ROBO2: variants seen among roughly 807,000 people sequenced by gnomAD.
The protein encoded by ROBO2 is roundabout guidance receptor 2, also known as roundabout homolog 2.
ROBO2 carries 53 observed loss-of-function variants against 160.8 expected under a neutral mutation model. The ratio of observed to expected loss-of-function variants is 0.33; its 90% CI spans 0.26 to 0.41. ROBO2 has a LOEUF of 0.41. Ranked by LOEUF, ROBO2 falls within the 10% of genes least tolerant of loss-of-function variation. ROBO2 has a pLI of 1.00. For synonymous variants in ROBO2, 664 were observed against 611.7 expected, an observed-to-expected ratio of 1.09 and a Z score of -1.26; for missense variants, 1,577 against 1,722.4, an observed-to-expected ratio of 0.92 and a Z score of 1.49.
At chr3:76,103,348 T>C (rs1576871282) in intron 2 of ROBO2, among the ~76,000 whole-genome samples, 2 of 152,294 alleles carry the variant, frequency 1.3e-5, no homozygotes, top group South Asian at 4.1e-4. Flanking sequence ...TTTCTTCTCC[T>C]TTGCCTGGAC....
chr3:75,916,416 A>G (rs187746400), intron 1 of ROBO2, among the ~76,000 whole-genome samples: 185 of 152,322 alleles, frequency 1.2e-3, no homozygotes, highest in Middle Eastern at 0.01. Flanking sequence ...TCAATGTATT[A>G]TACCAACATG....
At chr3:77,216,270 C>T (rs2084931005) in intron 2 of ROBO2, among the ~76,000 whole-genome samples, 1 of 152,170 alleles carries the variant, frequency 6.6e-6, no homozygotes, top group African/African-American at 2.4e-5. Flanking sequence ...CAAGCCTCGG[C>T]AATGGCGGGC....
chr3:76,553,208 A>C (rs2083516858), intron 2 of ROBO2, among the ~76,000 whole-genome samples: 1 of 152,170 alleles, frequency 6.6e-6, no homozygotes, highest in South Asian at 2.1e-4. Flanking sequence ...TTGTAATTAG[A>C]GTGAGAAAGG....
intron 23 of ROBO2, among the ~76,000 whole-genome samples, chr3:77,628,341 T>C (rs2095078805): frequency 1.3e-5 from 2 of 152,128 alleles, no homozygotes; most frequent in Non-Finnish European, 2.9e-5. Context: ...TACTTATGTT[T>C]GTGAAAGAAA....
intron 2 of ROBO2, among the ~76,000 whole-genome samples, chr3:76,974,351 A>G (rs947681293): frequency 6.6e-6 from 1 of 152,030 alleles, no homozygotes; most frequent in Non-Finnish European, 1.5e-5. Context: ...TATTATTTAG[A>G]CAAAGGAAAA....
At chr3:75,952,121 GT>G (rs1948562390) in intron 2 of ROBO2, among the ~76,000 whole-genome samples, 1 of 151,912 alleles carries the variant, frequency 6.6e-6, no homozygotes, top group South Asian at 2.1e-4. Flanking sequence ...CCAGCAATAG[GT>G]TTTAATCCTA....
At chr3:77,449,691 G>T (rs530820274) in intron 2 of ROBO2, among the ~76,000 whole-genome samples, 2 of 152,218 alleles carry the variant, frequency 1.3e-5, no homozygotes, top group South Asian at 4.1e-4. Context: ...TGCTTAAGCT[G>T]TGTGATTAGG....
At chr3:77,373,062 A>T (rs763926202) in intron 2 of ROBO2, among the ~76,000 whole-genome samples, 1 of 147,576 alleles carries the variant, frequency 6.8e-6, no homozygotes, top group Admixed American at 6.8e-5. Flanking sequence ...TAAATTTTAT[A>T]ATAAAATAAT....
At chr3:76,414,678 A>T (rs2075671445) in intron 2 of ROBO2, among the ~76,000 whole-genome samples, 1 of 149,774 alleles carries the variant, frequency 6.7e-6, no homozygotes, top group Admixed American at 6.7e-5. Flanking sequence ...ATGATGAGTT[A>T]GTGGGTGCAG....
chr3:76,575,411 A>C (rs531852670), intron 2 of ROBO2, among the ~76,000 whole-genome samples: 1 of 152,184 alleles, frequency 6.6e-6, no homozygotes. Flanking sequence ...AATTTTCATA[A>C]TATTAAAACA....
At chr3:75,993,523 G>T (rs1291599690) in intron 2 of ROBO2, among the ~76,000 whole-genome samples, 3 of 152,080 alleles carry the variant, frequency 2.0e-5, no homozygotes, top group African/African-American at 7.2e-5. Flanking sequence ...GTCTTTATTA[G>T]AAGCAAGAAA....
At chr3:76,910,348 CT>C (rs532737074) in intron 2 of ROBO2, among the ~76,000 whole-genome samples, 2,187 of 151,376 alleles carry the variant, frequency 0.014, 47 homozygotes, top group African/African-American at 0.049. Context: ...TCAAATTCTT[CT>C]TTTTTTTTAT....
intron 2 of ROBO2, among the ~76,000 whole-genome samples, chr3:76,452,657 C>T (rs1406267454): frequency 6.6e-6 from 1 of 152,134 alleles, no homozygotes; most frequent in African/African-American, 2.4e-5. Flanking sequence ...GTCTTTATAG[C>T]AGCATGATTT....
At chr3:77,331,894 CG>C (rs2066003272) in intron 2 of ROBO2, among the ~76,000 whole-genome samples, 1 of 151,900 alleles carries the variant, frequency 6.6e-6, no homozygotes, top group African/African-American at 2.4e-5. Context: ...TTAGTAGAGA[CG>C]GGGTTTCACC....
chr3:76,586,047 G>A lies in ROBO2; in HGVS notation c.110-511967G>A, dbSNP rs372941445. 2.8e-4 allele frequency among the ~76,000 whole-genome samples: 42 copies of A among 152,246 alleles called. 2 individuals are homozygous for A. Among genetic ancestry groups the A allele is most frequent in the South Asian group, 2.7e-3 (13 of 4,828 alleles). On this transcript the variant is annotated intron_variant, in intron 2 of 26. Coordinates refer to the ROBO2 transcript ENST00000487694. ...AAACTTGGATTTTATGCATTCAACA[G>A]TGAATTAGAGGTATCTTGAAAGGAT...
chr3:77,425,379 A>G (rs1410264877), intron 2 of ROBO2, among the ~76,000 whole-genome samples: 1 of 152,220 alleles, frequency 6.6e-6, no homozygotes, highest in Non-Finnish European at 1.5e-5. Context: ...AAATTAAAAG[A>G]AAAAACATAG....
intron 5 of ROBO2, among the ~76,000 whole-genome samples, chr3:77,509,795 C>T (rs554963710): frequency 6.6e-6 from 1 of 152,134 alleles, no homozygotes; most frequent in African/African-American, 2.4e-5. Context: ...TTTGTCACGG[C>T]TGCCTACTAG....
At chr3:76,602,536 A>C (rs1316147660) in intron 2 of ROBO2, among the ~76,000 whole-genome samples, 3 of 152,252 alleles carry the variant, frequency 2.0e-5, no homozygotes, top group Non-Finnish European at 4.4e-5. Flanking sequence ...ATGGCAGCAG[A>C]CGAGAGAATG....
intron 2 of ROBO2, among the ~76,000 whole-genome samples, chr3:76,279,126 T>C (rs1708094726): frequency 2.7e-5 from 4 of 150,272 alleles, no homozygotes; most frequent in Admixed American, 6.7e-5. Flanking sequence ...ATGGATATAT[T>C]ATATATATAT....
Sources: gnomAD v4.1 joint callset for allele counts (sites outside exome capture counted in the v4.1 genomes callset) on GRCh38, gnomAD v4.1.1 for gene constraint, MANE v1.5 for transcripts, NCBI Gene and HGNC (gene_info 2026-07-23, HGNC 2026-07-21) for gene names.